Variants in DGKH observed in about 807,000 individuals in gnomAD.
The protein encoded by DGKH is DAG kinase eta.
Under a neutral mutation model 159.3 loss-of-function variants are expected in DGKH, and 90 were observed. The ratio of observed to expected loss-of-function variants is 0.57; its 90% CI spans 0.48 to 0.67. The LOEUF (loss-of-function observed/expected upper bound fraction) is 0.67. DGKH is among the 30% of genes least tolerant of loss of function. DGKH has a pLI of 0.00. For synonymous variants in DGKH, 536 were observed against 553.8 expected (o/e 0.97, Z 0.45); for missense variants, 1,181 against 1,506.1 (o/e 0.78, Z 3.57).
At chr13:42,170,956 AAAAT>A (rs1956440869) in intron 11 of DGKH, among the ~76,000 whole-genome samples, 2 of 152,174 alleles carry the variant, frequency 1.3e-5, no homozygotes. Flanking sequence ...AAAAAAAAAA[AAAAT>A]ACACCAGTTA....
At chr13:42,086,115 A>T (rs1430101918) in intron 1 of DGKH, among the ~76,000 whole-genome samples, 1 of 152,106 alleles carries the variant, frequency 6.6e-6, no homozygotes, top group Non-Finnish European at 1.5e-5. Flanking sequence ...ATGGGGTTTC[A>T]TCATGTTGTC....
At chr13:42,249,844 T>C (rs1487725684) in intron 29 of DGKH, among the ~76,000 whole-genome samples, 1 of 152,196 alleles carries the variant, frequency 6.6e-6, no homozygotes, top group Admixed American at 6.5e-5. Flanking sequence ...AACTAGAATC[T>C]CTTGGGAAGG....
chr13:42,155,454 G>A (rs1022813653), intron 4 of DGKH, 59 bp downstream of exon 4: 27 of 1,540,446 alleles, frequency 1.8e-5, no homozygotes, highest in Non-Finnish European at 2.2e-5. Flanking sequence ...TAACCAAAGG[G>A]CTAGAGCTCT....
At chr13:42,166,761 G>A in intron 9 of DGKH, 87 bp downstream of exon 9, 2 of 1,169,210 alleles carry the variant, frequency 1.7e-6, no homozygotes, top group Non-Finnish European at 2.3e-6. Flanking sequence ...GAAAATTACA[G>A]ATTCCTCTAG....
In DGKH at chr13:42,237,164, T is replaced by C. The variant is rs1958432051; in HGVS notation, c.*7976T>C. ...ATACGACACAGAATAAAACACATGT[T>C]TTCAAGGAAGAAGAAAAAACTGTTT... is the stretch of plus-strand genomic sequence containing the variant. On this transcript the variant is annotated 3_prime_UTR_variant, in exon 30 of 30. Coordinates refer to ENST00000337343, the MANE Select transcript of DGKH (RefSeq NM_178009.5). 1 of 152,198 alleles carries C rather than the reference T, an allele frequency of 6.6e-6. No homozygotes were observed. Among genetic ancestry groups the C allele is most frequent in the South Asian group, 2.1e-4 (1 of 4,826 alleles). The allele number at this position is 152,198 out of a possible 1,614,324, so 9.4% of individuals were successfully genotyped here.
rs760731872 is a variant in DGKH, at chr13:42,159,368, A to T, written c.725A>T (p.Asp242Val). 6.2e-6 allele frequency: 10 copies of T among 1,605,680 alleles called. No homozygotes were observed. The highest frequency in any genetic ancestry group is 1.3e-5 in the African/African-American group (1 of 74,562). ...GGGAAGGACATTATAGAAGATGAAG[A>T]TGGCGTAAGCTGCTGCTCTGTCTCT... ...SIGKDIIEDE[D>V]GVAMPHQWLE... Residue 242 changes from aspartate to valine, a missense_variant, in exon 6 of 30, where the codon GAT becomes GTT. This residue lies in a region of DGKH where 369 missense variants were observed against 519.4 expected (regional missense o/e 0.71). Coordinates refer to ENST00000337343, the MANE Select transcript of DGKH (RefSeq NM_178009.5).
At chr13:42,132,943 CA>C (rs1436232435) in intron 3 of DGKH, among the ~76,000 whole-genome samples, 1 of 151,884 alleles carries the variant, frequency 6.6e-6, no homozygotes, top group Admixed American at 6.6e-5. Flanking sequence ...CTGAGGTGGG[CA>C]GATCATGAGG....
intron 1 of DGKH, among the ~76,000 whole-genome samples, chr13:42,087,606 G>A (rs7993986): frequency 0.43 from 65,179 of 151,958 alleles, 14,313 homozygotes; most frequent in Non-Finnish European, 0.49. Flanking sequence ...TCAACTTCTA[G>A]TGATGAAAAT....
intron 8 of DGKH, among the ~76,000 whole-genome samples, chr13:42,166,175 T>A (rs1412938175): frequency 1.3e-5 from 2 of 152,048 alleles, no homozygotes; most frequent in East Asian, 3.9e-4. Context: ...AAGATGTAAG[T>A]TTATAAACCT....
chr13:42,134,341 T>G (rs1260816315), intron 3 of DGKH, among the ~76,000 whole-genome samples: 4 of 152,200 alleles, frequency 2.6e-5, no homozygotes, highest in African/African-American at 9.6e-5. Context: ...ATTTAAAACC[T>G]ACACACAGTA....
chr13:42,161,781 C>CAAA (rs34855614), intron 7 of DGKH, among the ~76,000 whole-genome samples: 15,728 of 100,178 alleles, frequency 0.16, 1,220 homozygotes, highest in East Asian at 0.45. Flanking sequence ...CTCTGCCTCT[C>CAAA]AAAAAAAAAA....
intron 18 of DGKH, 111 bp downstream of exon 18, chr13:42,198,706 A>G: frequency 1.0e-6 from 1 of 980,454 alleles, no homozygotes; most frequent in Non-Finnish European, 1.5e-6. Context: ...TCCCATGTAA[A>G]AAAAGGATGA....
intron 1 of DGKH, among the ~76,000 whole-genome samples, chr13:42,052,238 C>T (rs577490296): frequency 2.0e-5 from 3 of 152,194 alleles, no homozygotes; most frequent in African/African-American, 4.8e-5. Flanking sequence ...ATTTTAGCAC[C>T]CTCATCATAA....
chr13:42,207,034 TTTCTTTCCTTCTTTCCTTCTTTCCTTCC>T (rs1957503037), intron 21 of DGKH, among the ~76,000 whole-genome samples: 1 of 87,482 alleles, frequency 1.1e-5, no homozygotes, highest in Non-Finnish European at 2.3e-5. Flanking sequence ...TTTTTCTTTC[TTTCTTTCCTTCTTTCCTTCTTTCCTTCC>T]TTCTTTCTTT....
chr13:42,218,527 G>A (rs1264708244), intron 26 of DGKH, among the ~76,000 whole-genome samples: 1 of 99,096 alleles, frequency 1.0e-5, no homozygotes, highest in Non-Finnish European at 1.9e-5. Flanking sequence ...TTTTTTTTGA[G>A]TCAGAGTTTC....
chr13:42,061,190 C>G (rs149901487), intron 1 of DGKH, among the ~76,000 whole-genome samples: 383 of 152,242 alleles, frequency 2.5e-3, no homozygotes, highest in African/African-American at 8.5e-3. Flanking sequence ...GTTTATATAG[C>G]ATGTGTGGAA....
intron 1 of DGKH, among the ~76,000 whole-genome samples, chr13:42,054,882 A>G (rs1052217618): frequency 2.6e-5 from 4 of 152,296 alleles, no homozygotes; most frequent in Middle Eastern, 3.4e-3. Context: ...ATTATACCTT[A>G]GTAAAGAAAA....
At chr13:42,243,017 T>A (rs1958543100), downstream of DGKH, 1 of 152,180 alleles carries the variant, frequency 6.6e-6, no homozygotes, top group Non-Finnish European at 1.5e-5. Flanking sequence ...CGTGTACCCT[T>A]TACCCATTTC....
intron 13 of DGKH, among the ~76,000 whole-genome samples, chr13:42,181,176 C>CT (rs1956748711): frequency 6.8e-6 from 1 of 147,348 alleles, no homozygotes; most frequent in Admixed American, 7.1e-5. Flanking sequence ...ACTCGGGAGG[C>CT]TGAGGCAGGA....
Sources: gnomAD v4.1 joint callset for allele counts (sites outside exome capture counted in the v4.1 genomes callset) on GRCh38, gnomAD v4.1.1 for gene constraint, gnomAD v4.1.1 regional missense constraint, MANE v1.5 for transcripts, NCBI Gene and HGNC (gene_info 2026-07-23, HGNC 2026-07-21) for gene names.